SLC15A5: variants seen among roughly 807,000 people sequenced by gnomAD.
SLC15A5 encodes the protein Peptide/histidine transporter ENSP00000340402.
SLC15A5 carries 58 observed loss-of-function variants against 56.1 expected under a neutral mutation model. The observed-to-expected ratio is 1.03, with a 90% CI of 0.84 to 1.29. The LOEUF is 1.29. Among genes scored for constraint, SLC15A5 ranks in the 50% most tolerant of loss-of-function variants. The probability of loss-of-function intolerance (pLI) is 0.00; values close to 1 mark genes in which losing one functional copy is unlikely to be tolerated. For missense variants in SLC15A5, 681 were observed against 672.1 expected (o/e 1.01, Z -0.15); for synonymous variants, 264 against 250.5 (o/e 1.05, Z -0.51).
At chr12:16,211,398 A>G (rs913078481) in intron 7 of SLC15A5, among the ~76,000 whole-genome samples, 17 of 152,190 alleles carry the variant, frequency 1.1e-4, no homozygotes, top group African/African-American at 4.1e-4. Context: ...GATGGAAATT[A>G]AACAGCTACA....
Position 16,200,628 on chromosome 12 carries a change from G to T in SLC15A5, c.1484-6175C>A, listed in dbSNP as rs936220419. Reference sequence around the variant, plus strand: ...TAAACCAAACCTCCAAGAAATTGAAGATATGCCTCTTGGACATCTAACTGG... The same window carrying T: ...TAAACCAAACCTCCAAGAAATTGAATATATGCCTCTTGGACATCTAACTGG... On this transcript the variant is annotated intron_variant, in intron 7 of 8. Transcript: ENST00000344941. 1.1e-4 allele frequency among the ~76,000 whole-genome samples: 16 copies of T among 152,124 alleles called. 1 individual carries two copies. Among genetic ancestry groups the T allele is most frequent in the Middle Eastern group, 3.4e-3 (1 of 294 alleles).
rs765438855 is a variant in SLC15A5, at chr12:16,224,592, A to G, written c.1173T>C (p.Asn391=). Residue 391 remains asparagine (N), a synonymous_variant, in exon 6 of 9, where the codon AAT becomes AAC. Coordinates refer to ENST00000344941, the MANE Select transcript of SLC15A5 (RefSeq NM_001170798.1). ...TCATCACAGACAATGCAGCAAAAAG[A>G]TTTCCAGCAACTGAAGGAAAATAAT... is the stretch of plus-strand genomic sequence containing the variant. ...SFLSTCIIAG[N]LFAALSVMIA... 21 of 1,529,616 alleles carry G rather than the reference A, an allele frequency of 1.4e-5. 1 individual carries two copies. In the South Asian group the frequency reaches 2.4e-4, roughly 18 times the overall value. The allele number at this position is 1,529,616 out of a possible 1,614,324, so 94.8% of individuals were successfully genotyped here.
At chr12:16,257,315 G>A (rs1565672490) in intron 3 of SLC15A5, among the ~76,000 whole-genome samples, 1 of 152,152 alleles carries the variant, frequency 6.6e-6, no homozygotes, top group Admixed American at 6.5e-5. Context: ...AAGAAAAAGT[G>A]AGTGAAGATG....
intron 3 of SLC15A5, among the ~76,000 whole-genome samples, chr12:16,255,534 T>C (rs549278066): frequency 5.3e-5 from 8 of 152,224 alleles, no homozygotes; most frequent in Non-Finnish European, 7.4e-5. Context: ...GAAAGGAATT[T>C]GGCAACATAT....
At chr12:16,190,903 C>T (rs1439221770) in intron 8 of SLC15A5, among the ~76,000 whole-genome samples, 1 of 152,194 alleles carries the variant, frequency 6.6e-6, no homozygotes, top group East Asian at 1.9e-4. Context: ...ACATGTGTTT[C>T]ACAACACTGG....
At position 16,277,667 on chromosome 12, in the gene SLC15A5, T is replaced by C. The variant is rs1864834544; in HGVS notation, c.19A>G (p.Thr7Ala). The change falls in exon 1 of 9, where the codon ACC (threonine) becomes GCC (alanine). Residue 7 changes from threonine (T) to alanine (A), a missense_variant. Coordinates refer to ENST00000344941, the MANE Select transcript of SLC15A5 (RefSeq NM_001170798.1). Reference sequence around the variant, plus strand: ...AAGTGTACTTTCTCATCAGTTATGGTAAAGCCTGTAACAGACATGACTACC... The same window carrying C: ...AAGTGTACTTTCTCATCAGTTATGGCAAAGCCTGTAACAGACATGACTACC... The part of the protein sequence containing the change: MSVTGF[T>A]ITDEKVHLYH... 1 of 1,534,322 alleles carries C rather than the reference T, an allele frequency of 6.5e-7. No homozygotes were observed. Among genetic ancestry groups the C allele is most frequent in the South Asian group, 1.2e-5 (1 of 83,794 alleles).
intron 5 of SLC15A5, among the ~76,000 whole-genome samples, chr12:16,228,501 A>G (rs956679061): frequency 6.6e-6 from 1 of 152,014 alleles, no homozygotes; most frequent in African/African-American, 2.4e-5. Flanking sequence ...TCTTCCCCCT[A>G]CCTCCAAATA....
intron 5 of SLC15A5, among the ~76,000 whole-genome samples, chr12:16,225,760 C>T (rs565652453): frequency 3.9e-4 from 59 of 152,326 alleles, no homozygotes; most frequent in Middle Eastern, 3.4e-3. Context: ...GATATCATCT[C>T]ACACCAGTTA....
chr12:16,249,583 C>A (rs1864499899), intron 3 of SLC15A5, among the ~76,000 whole-genome samples: 1 of 152,002 alleles, frequency 6.6e-6, no homozygotes, highest in Admixed American at 6.6e-5. Context: ...AAATAGGTTA[C>A]CTTATCACAT....
At chr12:16,272,821 G>A (rs1166798710) in intron 1 of SLC15A5, 38 bp from the exon 2 acceptor site, 1 of 1,483,266 alleles carries the variant, frequency 6.7e-7, no homozygotes, top group South Asian at 1.2e-5. Flanking sequence ...ATGTAGCATA[G>A]AACAAGTGGA....
intron 5 of SLC15A5, among the ~76,000 whole-genome samples, chr12:16,227,324 A>G (rs372321968): frequency 2.0e-4 from 30 of 152,234 alleles, no homozygotes; most frequent in African/African-American, 6.7e-4. Context: ...CACATTACAG[A>G]CTCATCAGAA....
intron 5 of SLC15A5, among the ~76,000 whole-genome samples, chr12:16,239,094 T>C (rs1199645388): frequency 6.6e-6 from 1 of 152,322 alleles, no homozygotes; most frequent in South Asian, 2.1e-4. Context: ...GTACCCCCAC[T>C]GTTCTCTTGT....
chr12:16,229,114 A>T (rs1313693490), intron 5 of SLC15A5, among the ~76,000 whole-genome samples: 1 of 152,142 alleles, frequency 6.6e-6, no homozygotes, highest in East Asian at 1.9e-4. Flanking sequence ...TCCACCTCTA[A>T]CCTATTAAGC....
At chr12:16,264,684 T>C (rs1365632465) in intron 2 of SLC15A5, among the ~76,000 whole-genome samples, 2 of 152,154 alleles carry the variant, frequency 1.3e-5, no homozygotes, top group Non-Finnish European at 2.9e-5. Context: ...GATAGAATCA[T>C]GGGGGCACAT....
chr12:16,275,072 A>C (rs566886185), intron 1 of SLC15A5, among the ~76,000 whole-genome samples: 1 of 152,084 alleles, frequency 6.6e-6, no homozygotes, highest in African/African-American at 2.4e-5. Flanking sequence ...TGTTGAGTCC[A>C]TCAGAGAAGT....
At chr12:16,276,803 C>G (rs1864825465) in intron 1 of SLC15A5, among the ~76,000 whole-genome samples, 1 of 151,930 alleles carries the variant, frequency 6.6e-6, no homozygotes, top group Non-Finnish European at 1.5e-5. Flanking sequence ...CTAATTTACT[C>G]ATTTCTAAAG....
chr12:16,229,647 T>TACACACAC (rs71438372), intron 5 of SLC15A5, among the ~76,000 whole-genome samples: 6,698 of 144,296 alleles, frequency 0.046, 199 homozygotes, highest in African/African-American at 0.077. Flanking sequence ...CACACACACA[T>TACACACAC]ACACACACAC....
intron 3 of SLC15A5, among the ~76,000 whole-genome samples, chr12:16,252,643 A>G (rs1295372768): frequency 4.6e-5 from 7 of 152,060 alleles, no homozygotes; most frequent in Non-Finnish European, 8.8e-5. Flanking sequence ...TTTACTAAAA[A>G]AAATTGAAGA....
At chr12:16,257,670 C>T (rs1864590379) in intron 3 of SLC15A5, 31 bp downstream of exon 3, 2 of 1,380,096 alleles carry the variant, frequency 1.4e-6, no homozygotes, top group Non-Finnish European at 1.9e-6. Context: ...AATATAAACC[C>T]AGAAATCAAT....
Sources: gnomAD v4.1 joint callset for allele counts (sites outside exome capture counted in the v4.1 genomes callset) on GRCh38, gnomAD v4.1.1 for gene constraint, MANE v1.5 for transcripts, NCBI Gene and HGNC (gene_info 2026-07-23, HGNC 2026-07-21) for gene names.